The following ZNF689 variants were observed in gnomAD, a reference collection of about 807,000 sequenced individuals.
The protein encoded by ZNF689 is zinc finger protein 689, also known as short ORF-encoded histone-binding protein.
ZNF689 carries 14 observed loss-of-function variants against 37.2 expected under a neutral mutation model. That is an observed-to-expected ratio of 0.38 (90% confidence interval 0.25 to 0.59). ZNF689 has a LOEUF of 0.59. Ranked by LOEUF, ZNF689 falls within the 20% of genes least tolerant of loss-of-function variation. The pLI is 0.68. For synonymous variants in ZNF689, 277 were observed against 283.3 expected (o/e 0.98, Z 0.22); for missense variants, 573 against 700.2 (o/e 0.82, Z 2.05).
At chr16:30,607,720 A>G (rs2052049850) in intron 2 of ZNF689, among the ~76,000 whole-genome samples, 1 of 152,144 alleles carries the variant, frequency 6.6e-6, no homozygotes, top group South Asian at 2.1e-4. Flanking sequence ...CTGCAATCCC[A>G]GCACTTTGGA....
chr16:30,609,493 C>T (rs1356248646), intron 2 of ZNF689, 32 bp downstream of exon 2: 1 of 1,599,100 alleles, frequency 6.3e-7, no homozygotes, highest in South Asian at 1.1e-5. Flanking sequence ...TATAGGAGGG[C>T]TGCAGGCTCT....
Position 30,610,306 on chromosome 16 carries a change from A to G in ZNF689, c.-265T>C. ...CTGCTACCGCACCGCCTTTGCCTGG[A>G]ACACAGGCAGCTTCCAGCTATCGAT... On this transcript the variant is annotated 5_prime_UTR_variant, in exon 1 of 3. Coordinates refer to ENST00000287461, the MANE Select transcript of ZNF689 (RefSeq NM_138447.3). 2.0e-6 allele frequency: 1 copy of G among 497,300 alleles called. No homozygotes were observed. Among genetic ancestry groups the G allele is most frequent in the South Asian group, 2.8e-5 (1 of 35,808 alleles). The allele number at this position is 497,300 out of a possible 1,614,324, so 30.8% of individuals were successfully genotyped here. A position where few individuals can be genotyped will look rare whatever the true frequency, so the allele number is the denominator to read the frequency against.
In ZNF689 at chr16:30,609,617, G is replaced by A; in HGVS notation, c.227C>T (p.Ala76Val). 6.2e-7 allele frequency: 1 copy of A among 1,614,006 alleles called. No homozygotes were observed. The highest frequency in any genetic ancestry group is 8.5e-7 in the Non-Finnish European group (1 of 1,179,998). The change falls in exon 2 of 3, where the codon GCC becomes GTC. Residue 76 changes from alanine (A) to valine (V), a missense_variant. Ala to Val is a moderately conservative substitution (Grantham distance 64). Transcript: ENST00000287461. Reference protein sequence around the residue: ...GALGCAGPKPALISWLERNTD... With the variant: ...GALGCAGPKPVLISWLERNTD... ...GTTTCGTTCCAACCAGGAGATGAGG[G>A]CTGGTTTGGGACCTGCGCACCCTGG...
Position 30,605,080 on chromosome 16 carries a change from C to G in ZNF689, c.687G>C (p.Gly229=). The change falls in exon 3 of 3, where the codon GGG becomes GGC. Residue 229 remains glycine, a synonymous_variant. Transcript: ENST00000287461. This position sits in a 1 kb window ranked among gnomAD's most constrained non-coding sequence, Gnocchi z 5.1. ...AGTCAGGGCAGTGATAGGGCTTCTCCCCTGTATGGATGACCTGGTGCTGGG... is the reference window on the plus strand; with the variant it reads ...AGTCAGGGCAGTGATAGGGCTTCTCGCCTGTATGGATGACCTGGTGCTGGG... ...NLSQHQVIHT[G]EKPYHCPDCG... 6.2e-7 allele frequency: 1 copy of G among 1,613,954 alleles called. No individual in the cohort carries two copies. The highest frequency in any genetic ancestry group is 8.5e-7 in the Non-Finnish European group (1 of 1,179,954).
intron 2 of ZNF689, among the ~76,000 whole-genome samples, chr16:30,606,760 C>T (rs527661777): frequency 6.6e-6 from 1 of 152,234 alleles, no homozygotes; most frequent in South Asian, 2.1e-4. Flanking sequence ...CCTCTATCTC[C>T]CAAAGTGACT....
rs1421526019 is a variant in ZNF689, at chr16:30,604,440, G to A, written c.1327C>T (p.His443Tyr). ...TGCAGCAGCTGGTGCTGGGCCAGGT[G>A]GCTCCACTGAGCAAAACGCTTGGAG... Reference protein sequence around the residue: ...LCSKRFAQWSHLAQHQLLHTG... With the variant: ...LCSKRFAQWSYLAQHQLLHTG... The change falls in exon 3 of 3, where the codon CAC (histidine) becomes TAC (tyrosine). Residue 443 changes from histidine to tyrosine, a missense_variant. By Grantham distance (83) the His-to-Tyr change is moderately conservative. This residue lies in a region of ZNF689 where 317 missense variants were observed against 367.1 expected (regional missense o/e 0.86). Coordinates refer to ENST00000287461, the MANE Select transcript of ZNF689 (RefSeq NM_138447.3). This position sits in a 1 kb window ranked among gnomAD's most constrained non-coding sequence, Gnocchi z 5.2. The A allele has an allele frequency of 3.1e-6, 5 of 1,612,698 alleles. No individual in the cohort carries two copies. Among genetic ancestry groups the A allele is most frequent in the Non-Finnish European group, 4.2e-6 (5 of 1,179,610 alleles).
At position 30,604,127 on chromosome 16, in the gene ZNF689, G is replaced by T; in HGVS notation, c.*137C>A. 1 of 957,302 alleles carries T rather than the reference G, an allele frequency of 1.0e-6. No homozygotes were observed. The highest frequency in any genetic ancestry group is 1.6e-6 in the Non-Finnish European group (1 of 607,258). The allele number at this position is 957,302 out of a possible 1,614,324, so 59.3% of individuals were successfully genotyped here. ...CGCACAGGGAGGCAGCCAGCGCATTGCAAGATACAAAGTTCAGCTCTGTGC... is the reference window on the plus strand; with the variant it reads ...CGCACAGGGAGGCAGCCAGCGCATTTCAAGATACAAAGTTCAGCTCTGTGC... On this transcript the variant is annotated 3_prime_UTR_variant, in exon 3 of 3. Transcript: ENST00000287461. This position sits in a 1 kb window ranked among gnomAD's most constrained non-coding sequence, Gnocchi z 5.2.
In ZNF689 at chr16:30,605,467, T is replaced by C; in HGVS notation, c.320-20A>G. 6.2e-7 allele frequency: 1 copy of C among 1,600,976 alleles called. No homozygotes were observed. The highest frequency in any genetic ancestry group is 8.5e-7 in the Non-Finnish European group (1 of 1,175,208). On this transcript the variant is annotated intron_variant, in intron 2 of 2. Transcript: ENST00000287461. The surrounding 1 kb of genome is among the most constrained non-coding windows in gnomAD (Gnocchi z 5.1). ...TGCTTTCTATAGAAATACAGAAGCA[T>C]TAATTTAACAAATACTGGGCTCCTG...
Position 30,604,389 on chromosome 16 carries a change from G to A in ZNF689, c.1378C>T (p.Leu460Phe), listed in dbSNP as rs532542424. The A allele has an allele frequency of 1.2e-6, 2 of 1,613,890 alleles. No homozygotes were observed. The highest frequency in any genetic ancestry group is 1.7e-6 in the Non-Finnish European group (2 of 1,179,994). ...TGGCGGAAGCACCGGCCACACTCGA[G>A]GCAGGGGAAAGGCTTCTCCCCCGTG... ...LHTGEKPFPC[L>F]ECGRCFRQRW... is the part of the protein sequence containing the mutation. The change falls in exon 3 of 3, where the codon CTC becomes TTC. Residue 460 changes from leucine (L) to phenylalanine (F), a missense_variant. Leu to Phe is a conservative substitution (Grantham distance 22). Around this residue, in one of 3 missense-constraint regions of ZNF689, gnomAD observed 317 missense variants for 367.1 expected, o/e 0.86. Coordinates refer to ENST00000287461, the MANE Select transcript of ZNF689 (RefSeq NM_138447.3). The surrounding 1 kb of genome is among the most constrained non-coding windows in gnomAD (Gnocchi z 5.2).
intron 2 of ZNF689, among the ~76,000 whole-genome samples, chr16:30,609,052 A>G (rs2151246223): frequency 6.6e-6 from 1 of 151,974 alleles, no homozygotes; most frequent in Admixed American, 6.6e-5. Flanking sequence ...AACCCAGAAA[A>G]CTCTGAGAAG....
At chr16:30,606,661 C>T (rs1261769214) in intron 2 of ZNF689, among the ~76,000 whole-genome samples, 2 of 151,964 alleles carry the variant, frequency 1.3e-5, no homozygotes, top group African/African-American at 4.8e-5. Flanking sequence ...CCACTATGCC[C>T]AGCTAATTTT....
Position 30,605,212 on chromosome 16 carries a change from G to T in ZNF689, c.555C>A (p.Arg185=), listed in dbSNP as rs116109798. ...KPYPCPDCGR[R]FSYPSLLVSH... is the part of the protein sequence containing the mutation. Reference sequence around the variant, plus strand: ...TGACCAGCAGGGATGGATAGGAAAAGCGGCGCCCACAGTCTGGGCAAGGGT... The same window carrying T: ...TGACCAGCAGGGATGGATAGGAAAATCGGCGCCCACAGTCTGGGCAAGGGT... The change falls in exon 3 of 3, where the codon CGC becomes CGA. Residue 185 remains arginine (R), a synonymous_variant. Transcript: ENST00000287461. The surrounding 1 kb of genome is among the most constrained non-coding windows in gnomAD (Gnocchi z 5.1). The T allele has an allele frequency of 4.5e-5, 73 of 1,614,184 alleles. No individual in the cohort carries two copies. In the African/African-American group the frequency reaches 8.7e-4, roughly 19 times the overall value.
In ZNF689 at chr16:30,607,248, C is replaced by CAAAA. The variant is rs758625831; in HGVS notation, c.320-1805_320-1802dup. 7.0e-4 allele frequency among the ~76,000 whole-genome samples: 13 copies of CAAAA among 18,626 alleles called. 1 individual carries two copies. The highest frequency in any genetic ancestry group is 4.4e-3 in the South Asian group (2 of 450). 12.2% of individuals were successfully genotyped at this position (18,626 alleles called of 152,430 possible). ...TGCATGACAGAGTGAGACTCCATCT[C>CAAAA]AAAAAAAAAAAAAAAAAAAAAAAAA... On this transcript the variant is annotated intron_variant, in intron 2 of 2. Transcript: ENST00000287461.
At position 30,604,443 on chromosome 16, in the gene ZNF689, T is replaced by C. The variant is rs1335580090; in HGVS notation, c.1324A>G (p.Ser442Gly). Residue 442 changes from serine (S) to glycine (G), a missense_variant, in exon 3 of 3, where the codon AGC (serine) becomes GGC (glycine). By Grantham distance (56) the Ser-to-Gly change is moderately conservative (BLOSUM62 0). Transcript: ENST00000287461. The surrounding 1 kb of genome is among the most constrained non-coding windows in gnomAD (Gnocchi z 5.2). ...AGCAGCTGGTGCTGGGCCAGGTGGC[T>C]CCACTGAGCAAAACGCTTGGAGCAA... ...DLCSKRFAQW[S>G]HLAQHQLLHT... 2 of 1,612,588 alleles carry C rather than the reference T, an allele frequency of 1.2e-6. No individual in the cohort carries two copies. Among genetic ancestry groups the C allele is most frequent in the African/African-American group, 1.3e-5 (1 of 74,892 alleles).
chr16:30,609,703 G>A lies in ZNF689; in HGVS notation c.206-65C>T, dbSNP rs1008759554. On this transcript the variant is annotated intron_variant, in intron 1 of 2. Coordinates refer to ENST00000287461, the MANE Select transcript of ZNF689 (RefSeq NM_138447.3). The stretch of plus-strand genomic sequence containing the variant: ...CACGCCGAGTAGTATCTCCCCGACG[G>A]CACCTCCTGCTAAGCCCCTGCCCAC... 1.4e-5 allele frequency: 22 copies of A among 1,604,976 alleles called. No individual in the cohort carries two copies. In the African/African-American group the frequency reaches 2.7e-4, roughly 20 times the overall value.
chr16:30,608,893 C>A (rs1413374738), intron 2 of ZNF689, among the ~76,000 whole-genome samples: 1 of 152,152 alleles, frequency 6.6e-6, no homozygotes, highest in Non-Finnish European at 1.5e-5. Context: ...GATCTGGGAC[C>A]CTTCTACCTG....
At position 30,605,971 on chromosome 16, in the gene ZNF689, A is replaced by G. The variant is rs904333546; in HGVS notation, c.320-524T>C. ...CATCTCAAAAAAAAAAAAAAAAGGAATATTTTTGAAGAGGTAAGCTTACAT... is the reference window on the plus strand; with the variant it reads ...CATCTCAAAAAAAAAAAAAAAAGGAGTATTTTTGAAGAGGTAAGCTTACAT... On this transcript the variant is annotated intron_variant, in intron 2 of 2. Coordinates refer to ENST00000287461, the MANE Select transcript of ZNF689 (RefSeq NM_138447.3). The surrounding 1 kb of genome is among the most constrained non-coding windows in gnomAD (Gnocchi z 5.1). 6.6e-6 allele frequency among the ~76,000 whole-genome samples: 1 copy of G among 151,888 alleles called. No individual in the cohort carries two copies. The highest frequency in any genetic ancestry group is 1.5e-5 in the Non-Finnish European group (1 of 67,964).
chr16:30,607,676 A>G (rs2052049426), intron 2 of ZNF689, among the ~76,000 whole-genome samples: 1 of 152,142 alleles, frequency 6.6e-6, no homozygotes, highest in South Asian at 2.1e-4. Context: ...CACAAAGTGT[A>G]AAAGCAAGAC....
chr16:30,607,956 CG>C (rs1555515294), intron 2 of ZNF689, among the ~76,000 whole-genome samples: 1 of 152,138 alleles, frequency 6.6e-6, no homozygotes, highest in Non-Finnish European at 1.5e-5. Flanking sequence ...AGCAAGACTC[CG>C]TCTCACACAC....
Sources: gnomAD v4.1 joint callset for allele counts (sites outside exome capture counted in the v4.1 genomes callset) on GRCh38, gnomAD v4.1.1 for gene constraint, gnomAD v4.1.1 regional missense constraint, Gnocchi (gnomAD v3.1) non-coding constraint, MANE v1.5 for transcripts, NCBI Gene and HGNC (gene_info 2026-07-23, HGNC 2026-07-21) for gene names.